Variants in NCOA2 observed in about 807,000 individuals in gnomAD.
The protein encoded by NCOA2 is class E basic helix-loop-helix protein 75.
In NCOA2, 21 loss-of-function variants were observed where a neutral mutation model predicts 145.1. The observed-to-expected ratio is 0.14, with a 90% CI of 0.10 to 0.21. The LOEUF is 0.21. Ranked by LOEUF, NCOA2 falls within the 10% of genes least tolerant of loss-of-function variation. The pLI, the probability that NCOA2 is intolerant of heterozygous loss-of-function variation, is 1.00. For missense variants in NCOA2, 1,472 were observed against 1,837.6 expected (o/e 0.80, Z 3.64); for synonymous variants, 619 against 637.5 (o/e 0.97, Z 0.44).
chr8:70,190,109 A>T (rs116476183), intron 4 of NCOA2, among the ~76,000 whole-genome samples: 1,607 of 152,304 alleles, frequency 0.011, 42 homozygotes, highest in African/African-American at 0.037. Flanking sequence ...GCTCAAAAAA[A>T]TTTTTGGAAA....
intron 2 of NCOA2, among the ~76,000 whole-genome samples, chr8:70,221,440 G>A (rs550101093): frequency 1.1e-3 from 167 of 152,148 alleles, no homozygotes; most frequent in Non-Finnish European, 1.8e-3. Context: ...CCCTTTATAA[G>A]GATAAAAGCA....
intron 2 of NCOA2, among the ~76,000 whole-genome samples, chr8:70,254,655 T>C (rs76419073): frequency 0.054 from 6,812 of 125,064 alleles, 252 homozygotes; most frequent in East Asian, 0.19. Flanking sequence ...AATCTTTAAG[T>C]AGCTACAGCA....
intron 2 of NCOA2, among the ~76,000 whole-genome samples, chr8:70,224,925 C>T (rs1025110221): frequency 2.0e-5 from 3 of 151,990 alleles, no homozygotes; most frequent in Non-Finnish European, 4.4e-5. Context: ...CCGCTCCTCC[C>T]TGTCCTCCTG....
chr8:70,437,205 T>C, the NCOA2 span, among the ~76,000 whole-genome samples: 2 of 152,192 alleles, frequency 1.3e-5, no homozygotes, highest in African/African-American at 2.4e-5. Context: ...TAACTCCTAA[T>C]TATCCTTCAG....
chr8:70,446,087 A>G, the NCOA2 span, among the ~76,000 whole-genome samples: 5 of 152,058 alleles, frequency 3.3e-5, no homozygotes, highest in African/African-American at 1.2e-4. Context: ...AGTTAAACAT[A>G]CAAGATAAAC....
In NCOA2 at chr8:70,216,674, G is replaced by C; in HGVS notation, c.72C>G (p.Asp24Glu). The change falls in exon 3 of 23, where the codon GAC (aspartate) becomes GAG (glutamate). Residue 24 changes from aspartate (D) to glutamate (E), a missense_variant. Coordinates refer to ENST00000452400, the MANE Select transcript of NCOA2 (RefSeq NM_006540.4). ...AAGAATCTAACCTGGGTCCAAGTTGGTCAGGACATTCCTTGCGCTTTCTTG... is the reference window on the plus strand; with the variant it reads ...AAGAATCTAACCTGGGTCCAAGTTGCTCAGGACATTCCTTGCGCTTTCTTG... ...AETRKRKECP[D>E]QLGPSPKRNT... 4.3e-6 allele frequency: 7 copies of C among 1,613,110 alleles called. No homozygotes were observed. Among genetic ancestry groups the C allele is most frequent in the Non-Finnish European group, 5.9e-6 (7 of 1,179,088 alleles).
the NCOA2 span, among the ~76,000 whole-genome samples, chr8:70,430,361 A>G: frequency 1.3e-5 from 2 of 152,372 alleles, no homozygotes; most frequent in African/African-American, 2.4e-5. Context: ...TTTTACTTCA[A>G]TAATTATCTT....
At chr8:70,177,064 G>A (rs1314097591) in intron 4 of NCOA2, among the ~76,000 whole-genome samples, 1 of 152,210 alleles carries the variant, frequency 6.6e-6, no homozygotes, top group African/African-American at 2.4e-5. Context: ...ACATCCCACA[G>A]ACTGACTGAT....
chr8:70,212,702 G>T (rs1819166640), intron 4 of NCOA2, among the ~76,000 whole-genome samples: 1 of 152,104 alleles, frequency 6.6e-6, no homozygotes, highest in African/African-American at 2.4e-5. Flanking sequence ...TAAAGACAAA[G>T]ATATTATTTT....
At chr8:70,170,819 T>G (rs1437747371) in intron 5 of NCOA2, among the ~76,000 whole-genome samples, 4 of 152,338 alleles carry the variant, frequency 2.6e-5, no homozygotes, top group Non-Finnish European at 2.9e-5. Context: ...GGTCATAATT[T>G]TTCCCCAGTT....
At chr8:70,165,956 A>G (rs1223307666) in intron 7 of NCOA2, among the ~76,000 whole-genome samples, 4 of 152,080 alleles carry the variant, frequency 2.6e-5, no homozygotes, top group African/African-American at 9.7e-5. Context: ...AGTAGCTGGG[A>G]CTACAGGCAC....
intron 4 of NCOA2, among the ~76,000 whole-genome samples, chr8:70,178,873 AAC>A (rs1231828634): frequency 2.0e-5 from 3 of 152,228 alleles, no homozygotes; most frequent in African/African-American, 7.2e-5. Context: ...CATGGTAAGG[AAC>A]ACTGGCGAAA....
At chr8:70,419,933 G>T in the NCOA2 span, among the ~76,000 whole-genome samples, 1 of 152,252 alleles carries the variant, frequency 6.6e-6, no homozygotes, top group Admixed American at 6.5e-5. Flanking sequence ...TTGTTAATAT[G>T]CTTGAAATTA....
intron 2 of NCOA2, among the ~76,000 whole-genome samples, chr8:70,280,609 T>C (rs1317589154): frequency 1.3e-5 from 2 of 152,112 alleles, no homozygotes; most frequent in Admixed American, 6.5e-5. Flanking sequence ...GTTACAAAAT[T>C]GAGTGTTAAT....
At chr8:70,384,737 C>T (rs187028102) in intron 1 of NCOA2, among the ~76,000 whole-genome samples, 2 of 152,292 alleles carry the variant, frequency 1.3e-5, no homozygotes, top group Admixed American at 1.3e-4. Flanking sequence ...ACTTAAAACA[C>T]CTTCCCTTCA....
chr8:70,164,614 T>C (rs1813409519), intron 7 of NCOA2, among the ~76,000 whole-genome samples: 1 of 152,144 alleles, frequency 6.6e-6, no homozygotes, highest in African/African-American at 2.4e-5. Context: ...CTTGGACAGA[T>C]TTTTCTTTCT....
At chr8:70,208,558 C>T (rs1818706081) in intron 4 of NCOA2, among the ~76,000 whole-genome samples, 1 of 152,152 alleles carries the variant, frequency 6.6e-6, no homozygotes, top group Non-Finnish European at 1.5e-5. Context: ...GAAGTCAACG[C>T]CTCATTTCGA....
chr8:70,403,433 G>A (rs1047294725), intron 1 of NCOA2, among the ~76,000 whole-genome samples: 2 of 151,436 alleles, frequency 1.3e-5, no homozygotes, highest in East Asian at 3.9e-4. Context: ...TTTCTCTCCC[G>A]GGGACTCCGC....
chr8:70,403,396 G>C (rs1011237731), intron 1 of NCOA2, among the ~76,000 whole-genome samples: 6 of 151,372 alleles, frequency 4.0e-5, no homozygotes, highest in African/African-American at 1.5e-4. Flanking sequence ...CGTCTCCTGA[G>C]CTCTCGCAAG....
Sources: gnomAD v4.1 joint callset for allele counts (sites outside exome capture counted in the v4.1 genomes callset) on GRCh38, gnomAD v4.1.1 for gene constraint, MANE v1.5 for transcripts, NCBI Gene and HGNC (gene_info 2026-07-23, HGNC 2026-07-21) for gene names.